The following CHCHD3 variants were observed in gnomAD, a reference collection of about 807,000 sequenced individuals.
CHCHD3 encodes the protein MICOS complex subunit MIC19.
CHCHD3 carries 20 observed loss-of-function variants against 38.2 expected under a neutral mutation model. The observed-to-expected ratio is 0.52, with a 90% CI of 0.37 to 0.76. The LOEUF is 0.76. CHCHD3 is among the 30% of genes least tolerant of loss of function. The probability of loss-of-function intolerance (pLI) is 0.00; values close to 1 mark genes in which losing one functional copy is unlikely to be tolerated. For missense variants in CHCHD3, 245 were observed against 279.2 expected, an observed-to-expected ratio of 0.88 and a Z score of 0.87; for synonymous variants, 82 against 100.0, an observed-to-expected ratio of 0.82 and a Z score of 1.07.
chr7:132,832,771 C>T (rs1459603868), intron 6 of CHCHD3, among the ~76,000 whole-genome samples: 1 of 152,174 alleles, frequency 6.6e-6, no homozygotes. Context: ...CATATCAGCT[C>T]CAATGTAGCC....
chr7:132,809,762 C>G (rs1448060380), intron 6 of CHCHD3, among the ~76,000 whole-genome samples: 2 of 152,142 alleles, frequency 1.3e-5, no homozygotes, highest in Non-Finnish European at 1.5e-5. Flanking sequence ...TCCTAATGTC[C>G]ATTCCCAAGC....
intron 6 of CHCHD3, among the ~76,000 whole-genome samples, chr7:132,837,207 C>T (rs981842949): frequency 3.9e-5 from 6 of 151,980 alleles, no homozygotes; most frequent in Admixed American, 2.0e-4. Flanking sequence ...ATTCGGGGAG[C>T]CAACTCGAAG....
At chr7:132,847,926 G>C (rs1808121930) in intron 5 of CHCHD3, among the ~76,000 whole-genome samples, 1 of 152,144 alleles carries the variant, frequency 6.6e-6, no homozygotes, top group African/African-American at 2.4e-5. Flanking sequence ...TAACACATGA[G>C]GGCTGAAGTA....
intron 5 of CHCHD3, 116 bp downstream of exon 5, chr7:132,885,546 C>G: frequency 7.7e-6 from 6 of 781,536 alleles, no homozygotes; most frequent in Non-Finnish European, 1.2e-5. Flanking sequence ...TTCTTCACTT[C>G]CTGGCCACTT....
chr7:133,078,917 A>G (rs778021585), intron 1 of CHCHD3, among the ~76,000 whole-genome samples: 27 of 152,222 alleles, frequency 1.8e-4, no homozygotes, highest in Non-Finnish European at 3.1e-4. Context: ...TTGGTGCCTC[A>G]TCGGCACCAT....
chr7:132,976,184 T>A (rs944571874), intron 3 of CHCHD3, among the ~76,000 whole-genome samples: 1 of 150,606 alleles, frequency 6.6e-6, no homozygotes, highest in Non-Finnish European at 1.5e-5. Context: ...AATCCTCATA[T>A]GCAAATATGA....
chr7:133,021,628 T>C (rs1813180224), intron 3 of CHCHD3, among the ~76,000 whole-genome samples: 1 of 152,190 alleles, frequency 6.6e-6, no homozygotes, highest in Non-Finnish European at 1.5e-5. Context: ...TTTTGGAATA[T>C]TTCCCTGCCA....
chr7:132,923,610 G>A (rs953719897), intron 4 of CHCHD3, among the ~76,000 whole-genome samples: 2 of 152,160 alleles, frequency 1.3e-5, no homozygotes, highest in South Asian at 2.1e-4. Flanking sequence ...TCTAATGTAC[G>A]TTCAGATCCT....
chr7:132,947,222 T>C (rs942328098), intron 4 of CHCHD3, among the ~76,000 whole-genome samples: 1 of 151,974 alleles, frequency 6.6e-6, no homozygotes, highest in African/African-American at 2.4e-5. Flanking sequence ...AGGCATAATT[T>C]TATTAAACAA....
chr7:133,054,809 C>T (rs1814269424), intron 2 of CHCHD3, among the ~76,000 whole-genome samples: 1 of 152,120 alleles, frequency 6.6e-6, no homozygotes, highest in African/African-American at 2.4e-5. Flanking sequence ...TTTCATCAAA[C>T]ATGTTTTTGA....
At chr7:132,935,409 C>A (rs1322773238) in intron 4 of CHCHD3, among the ~76,000 whole-genome samples, 1 of 152,100 alleles carries the variant, frequency 6.6e-6, no homozygotes, top group Non-Finnish European at 1.5e-5. Flanking sequence ...AAAATAGAAA[C>A]TTTAAGAAGG....
Position 132,785,210 on chromosome 7 carries a change from T to C in CHCHD3, c.*427A>G. The C allele has an allele frequency of 5.8e-6, 1 of 172,440 alleles. No homozygotes were observed. Among genetic ancestry groups the C allele is most frequent in the Non-Finnish European group, 1.2e-5 (1 of 81,224 alleles). The allele number at this position is 172,440 out of a possible 1,614,324, so 10.7% of individuals were successfully genotyped here. On this transcript the variant is annotated 3_prime_UTR_variant, in exon 8 of 8. Transcript: ENST00000262570. ...CACCCAGCACTGCTGCCCTCGGATC[T>C]ATGTTTTCTGGCTCTCTCCTCGCCC...
rs183366742 is a variant in CHCHD3 at position 133,027,449 on chromosome 7, G to T, written c.170-2822C>A. On this transcript the variant is annotated intron_variant, in intron 2 of 7. Transcript: ENST00000262570. ...GGAAGGAAGGGAGGGAGGGAGGGAG[G>T]GGGGGAGAGGAAGAGGAAAGAAAAG... is the stretch of plus-strand genomic sequence containing the variant. 5.8e-4 allele frequency among the ~76,000 whole-genome samples: 85 copies of T among 145,514 alleles called. 1 individual carries two copies. The highest frequency in any genetic ancestry group is 2.0e-3 in the African/African-American group (80 of 39,674).
intron 2 of CHCHD3, among the ~76,000 whole-genome samples, chr7:133,054,939 G>A (rs1814273169): frequency 6.6e-6 from 1 of 152,120 alleles, no homozygotes; most frequent in African/African-American, 2.4e-5. Context: ...GGGTCACAAA[G>A]GAACCAGGGG....
At chr7:132,931,485 G>A (rs1363833776) in intron 4 of CHCHD3, among the ~76,000 whole-genome samples, 4 of 152,180 alleles carry the variant, frequency 2.6e-5, no homozygotes, top group African/African-American at 4.8e-5. Flanking sequence ...AGCTGATCTC[G>A]TTAAGGTCAC....
At chr7:132,889,020 G>A (rs1252665608) in intron 4 of CHCHD3, among the ~76,000 whole-genome samples, 1 of 152,028 alleles carries the variant, frequency 6.6e-6, no homozygotes, top group East Asian at 1.9e-4. Flanking sequence ...ATAATGAACA[G>A]TTAGTACTTC....
At chr7:132,971,414 A>G (rs1412795570) in intron 4 of CHCHD3, among the ~76,000 whole-genome samples, 1 of 152,208 alleles carries the variant, frequency 6.6e-6, no homozygotes, top group Non-Finnish European at 1.5e-5. Flanking sequence ...GAGTGGGATT[A>G]ACAGCTTCCC....
rs563739258 is a variant in CHCHD3 at position 133,014,058 on chromosome 7, CT to C, written c.251+10487del. ...TGGTTTCAGTTGACTTTGTGGGGTA[CT>C]TTTTTTGGTATCATTTGGTTTTAAT... On this transcript the variant is annotated intron_variant, in intron 3 of 7. Coordinates refer to ENST00000262570, the MANE Select transcript of CHCHD3 (RefSeq NM_017812.4). Among the ~76,000 whole-genome samples the C allele has an allele frequency of 9.2e-3, 1,405 of 152,082 alleles. 24 individuals carry two copies. Among genetic ancestry groups the C allele is most frequent in the African/African-American group, 0.032 (1,324 of 41,488 alleles).
chr7:132,825,468 A>G (rs904674221), intron 6 of CHCHD3, among the ~76,000 whole-genome samples: 1 of 152,192 alleles, frequency 6.6e-6, no homozygotes, highest in African/African-American at 2.4e-5. Context: ...ATGACAAAGC[A>G]TTTGGTTCCC....
Sources: gnomAD v4.1 joint callset for allele counts (sites outside exome capture counted in the v4.1 genomes callset) on GRCh38, gnomAD v4.1.1 for gene constraint, MANE v1.5 for transcripts, NCBI Gene and HGNC (gene_info 2026-07-23, HGNC 2026-07-21) for gene names.